The following KIFAP3 variants were observed in gnomAD, a reference collection of about 807,000 sequenced individuals.
KIFAP3 encodes the protein kinesin associated protein 3, also known as kinesin-associated protein 3.
Under a neutral mutation model 106.5 loss-of-function variants are expected in KIFAP3, and 68 were observed. The ratio of observed to expected loss-of-function variants is 0.64; its 90% CI spans 0.53 to 0.78. The LOEUF (loss-of-function observed/expected upper bound fraction) is 0.78, where lower values mean the gene tolerates loss of function less well. Ranked by LOEUF, KIFAP3 falls within the 30% of genes least tolerant of loss-of-function variation. KIFAP3 has a pLI of 0.00. For missense variants in KIFAP3, 780 were observed against 941.8 expected, an observed-to-expected ratio of 0.83 and a Z score of 2.25; for synonymous variants, 320 against 311.5, an observed-to-expected ratio of 1.03 and a Z score of -0.29.
chr1:170,022,316 G>C (rs1414271259), intron 9 of KIFAP3, among the ~76,000 whole-genome samples: 18 of 151,860 alleles, frequency 1.2e-4, no homozygotes. Flanking sequence ...TGTAAAGTGA[G>C]GTTTTACCAA....
intron 3 of KIFAP3, among the ~76,000 whole-genome samples, chr1:170,041,284 C>T (rs531731370): frequency 6.6e-6 from 1 of 152,252 alleles, no homozygotes; most frequent in South Asian, 2.1e-4. Context: ...TGAAAAAATT[C>T]CAAACAAAAT....
chr1:170,001,283 T>A (rs1419838328), intron 10 of KIFAP3, among the ~76,000 whole-genome samples: 1 of 152,108 alleles, frequency 6.6e-6, no homozygotes, highest in Non-Finnish European at 1.5e-5. Context: ...TATGTCCAAA[T>A]CATTGACTTA....
intron 1 of KIFAP3, among the ~76,000 whole-genome samples, chr1:170,081,669 C>T (rs575132831): frequency 6.6e-6 from 1 of 152,210 alleles, no homozygotes; most frequent in Non-Finnish European, 1.5e-5. Flanking sequence ...CTTATCACAT[C>T]TCTCTATGAC....
chr1:169,982,476 G>T (rs1361630160), intron 14 of KIFAP3, among the ~76,000 whole-genome samples: 1 of 152,040 alleles, frequency 6.6e-6, no homozygotes, highest in East Asian at 1.9e-4. Context: ...CCACAAGAAA[G>T]GTAGAATAGG....
intron 8 of KIFAP3, among the ~76,000 whole-genome samples, chr1:170,029,567 T>C (rs563391600): frequency 6.6e-6 from 1 of 151,780 alleles, no homozygotes. Context: ...CTTGAGTAAA[T>C]GACCTCAGCT....
chr1:170,018,416 A>C (rs1185270344), intron 9 of KIFAP3, among the ~76,000 whole-genome samples: 4 of 152,176 alleles, frequency 2.6e-5, no homozygotes, highest in Non-Finnish European at 5.9e-5. Context: ...TAGTAAGAGA[A>C]GCTCTGCATT....
At chr1:170,027,178 G>A (rs1418750537) in intron 8 of KIFAP3, among the ~76,000 whole-genome samples, 2 of 151,780 alleles carry the variant, frequency 1.3e-5, no homozygotes, top group African/African-American at 4.8e-5. Flanking sequence ...CACCACCAAC[G>A]CCTGGCTAAT....
At chr1:169,997,122 G>A (rs533954531) in intron 10 of KIFAP3, among the ~76,000 whole-genome samples, 3 of 152,192 alleles carry the variant, frequency 2.0e-5, no homozygotes, top group Admixed American at 6.5e-5. Context: ...TCTGGAGGCA[G>A]AATGCTCGGG....
chr1:170,051,852 G>C (rs1421140959), intron 2 of KIFAP3, among the ~76,000 whole-genome samples: 1 of 152,194 alleles, frequency 6.6e-6, no homozygotes. Flanking sequence ...GCAGTGTGTA[G>C]AGGGAAATTT....
intron 11 of KIFAP3, among the ~76,000 whole-genome samples, chr1:169,989,643 T>C (rs1667003275): frequency 6.6e-6 from 1 of 152,064 alleles, no homozygotes; most frequent in Non-Finnish European, 1.5e-5. Context: ...ATTATCTCTA[T>C]AAGACACCTG....
At chr1:170,010,121 T>C (rs1476620323) in intron 10 of KIFAP3, among the ~76,000 whole-genome samples, 1 of 151,962 alleles carries the variant, frequency 6.6e-6, no homozygotes, top group Non-Finnish European at 1.5e-5. Flanking sequence ...TAAGCAGAAA[T>C]AAATTTAGTA....
At chr1:170,021,491 G>A (rs1029979480) in intron 9 of KIFAP3, among the ~76,000 whole-genome samples, 1 of 145,526 alleles carries the variant, frequency 6.9e-6, no homozygotes, top group African/African-American at 2.6e-5. Context: ...CCAGGCTGGA[G>A]TGCAGTGACA....
chr1:169,997,866 C>CAAAAAAAAAA (rs11297528), intron 10 of KIFAP3, among the ~76,000 whole-genome samples: 3 of 74,094 alleles, frequency 4.0e-5, no homozygotes, highest in Non-Finnish European at 5.0e-5. Flanking sequence ...TGAGACGTCT[C>CAAAAAAAAAA]AAAAAAAAAA....
intron 19 of KIFAP3, among the ~76,000 whole-genome samples, chr1:169,924,287 A>T (rs1188844093): frequency 1.3e-5 from 2 of 152,190 alleles, no homozygotes; most frequent in African/African-American, 4.8e-5. Context: ...TATGGTAAAG[A>T]TCTATTTATG....
At chr1:169,960,981 G>C (rs942305415) in intron 18 of KIFAP3, 65 bp downstream of exon 18, 3 of 1,288,120 alleles carry the variant, frequency 2.3e-6, no homozygotes, top group Admixed American at 2.1e-5. Flanking sequence ...AATGTGCAAG[G>C]CTGGCCGACT....
chr1:170,018,340 G>T lies in KIFAP3; in HGVS notation c.1021-1716C>A, dbSNP rs185885856. Reference sequence around the variant, plus strand: ...TTGAAGAAAAGGTTTGCAAACCCCTGCTCTAGAAGATTATAAAATTGCATT... The same window carrying T: ...TTGAAGAAAAGGTTTGCAAACCCCTTCTCTAGAAGATTATAAAATTGCATT... On this transcript the variant is annotated intron_variant, in intron 9 of 19. Coordinates refer to ENST00000361580, the MANE Select transcript of KIFAP3 (RefSeq NM_014970.4). Among the ~76,000 whole-genome samples, 477 of 152,140 alleles carry T rather than the reference G, an allele frequency of 3.1e-3. 1 individual carries two copies. The highest frequency in any genetic ancestry group is 0.014 in the South Asian group (68 of 4,828).
chr1:169,997,721 T>A (rs1330144504), intron 10 of KIFAP3, among the ~76,000 whole-genome samples: 2 of 151,660 alleles, frequency 1.3e-5, no homozygotes, highest in Non-Finnish European at 1.5e-5. Context: ...AACATAAAAA[T>A]TTGCCAGGCA....
At chr1:169,938,924 G>A (rs894028147) in intron 19 of KIFAP3, among the ~76,000 whole-genome samples, 28 of 152,212 alleles carry the variant, frequency 1.8e-4, no homozygotes, top group African/African-American at 6.3e-4. Flanking sequence ...AGGGAGTCCA[G>A]AGTGGGTAGA....
intron 9 of KIFAP3, among the ~76,000 whole-genome samples, chr1:170,020,832 T>C (rs901645963): frequency 6.6e-6 from 1 of 152,180 alleles, no homozygotes; most frequent in African/African-American, 2.4e-5. Flanking sequence ...TCTTGTACCA[T>C]ATACAAAATT....
Sources: allele counts gnomAD v4.1 joint callset (sites outside exome capture counted in the v4.1 genomes callset), GRCh38; gene constraint gnomAD v4.1.1; transcripts MANE v1.5; gene names NCBI Gene and HGNC (gene_info 2026-07-23, HGNC 2026-07-21).